The following ZC3H12B variants were observed in gnomAD, a reference collection of about 807,000 sequenced individuals.
ZC3H12B encodes zinc finger CCCH-type containing 12B.
ZC3H12B carries 7 observed loss-of-function variants against 43.9 expected under a neutral mutation model. That is an observed-to-expected ratio of 0.16 (90% CI 0.09 to 0.30). ZC3H12B has a LOEUF of 0.30. ZC3H12B is among the 10% of genes least tolerant of loss of function. The pLI is 1.00. For missense variants in ZC3H12B, 475 were observed against 670.2 expected, an observed-to-expected ratio of 0.71 and a Z score of 3.22; for synonymous variants, 222 against 241.7, an observed-to-expected ratio of 0.92 and a Z score of 0.76.
intron 3 of ZC3H12B, among the ~76,000 whole-genome samples, chrX:65,419,348 C>T (rs2066993460): frequency 8.9e-6 from 1 of 111,814 alleles, no homozygotes; most frequent in Non-Finnish European, 1.9e-5. Flanking sequence ...TGGTGATTCG[C>T]ATTACATCCC....
upstream of ZC3H12B, among the ~76,000 whole-genome samples, chrX:65,484,710 T>C (rs1436961642): frequency 8.9e-6 from 1 of 112,448 alleles, no homozygotes; most frequent in Non-Finnish European, 1.9e-5. Flanking sequence ...AACTCTGTTC[T>C]ATGTGGTTAA....
At chrX:65,321,134 A>G in the ZC3H12B span, among the ~76,000 whole-genome samples, 4 of 111,883 alleles carry the variant, frequency 3.6e-5, no homozygotes, top group Admixed American at 3.8e-4. Flanking sequence ...AAATTTTTGC[A>G]TGTTATGCAT....
At chrX:65,380,943 G>T (rs886142071) in intron 2 of ZC3H12B, among the ~76,000 whole-genome samples, 4 of 111,644 alleles carry the variant, frequency 3.6e-5, no homozygotes, top group African/African-American at 6.5e-5. Flanking sequence ...GGAGCACCCA[G>T]ATTCATAAAG....
At chrX:65,406,770 T>A (rs1404017378) in intron 3 of ZC3H12B, among the ~76,000 whole-genome samples, 1 of 112,176 alleles carries the variant, frequency 8.9e-6, no homozygotes, top group Non-Finnish European at 1.9e-5. Flanking sequence ...CGGCGGGTAC[T>A]CTGTGCTCTG....
chrX:65,111,239 G>A, the ZC3H12B span, among the ~76,000 whole-genome samples: 393 of 110,821 alleles, frequency 3.5e-3, no homozygotes, highest in African/African-American at 0.012. Flanking sequence ...GCCTTATTGC[G>A]GTGTCTGGAA....
intron 2 of ZC3H12B, among the ~76,000 whole-genome samples, chrX:65,392,447 C>A (rs1399818153): frequency 1.9e-5 from 2 of 107,530 alleles, no homozygotes; most frequent in African/African-American, 6.8e-5. Flanking sequence ...AGCCCCTCCG[C>A]CCGGCAGCCG....
the ZC3H12B span, among the ~76,000 whole-genome samples, chrX:65,211,789 ATAT>A: frequency 0.033 from 2,730 of 82,896 alleles, 132 homozygotes; most frequent in African/African-American, 0.12. Flanking sequence ...TATATTATAA[ATAT>A]TATGTATACT....
intron 3 of ZC3H12B, among the ~76,000 whole-genome samples, chrX:65,465,159 T>A (rs752004953): frequency 1.8e-5 from 2 of 111,198 alleles, no homozygotes; most frequent in South Asian, 7.5e-4. Context: ...TTATTATTAA[T>A]CTTCTGCTTA....
the ZC3H12B span, among the ~76,000 whole-genome samples, chrX:65,280,833 G>A: frequency 6.3e-5 from 7 of 111,330 alleles, no homozygotes; most frequent in African/African-American, 2.3e-4. Flanking sequence ...TAACCAAGGA[G>A]GTGAAAGACT....
Position 65,483,323 on chromosome X carries a change from C to T in ZC3H12B, n.408-5323C>T, listed in dbSNP as rs2068085914. ...ATGGGTATAGTTGGAGGTTAAGAAA[C>T]AATCTTTACCTCCTTTATGATATAA... On this transcript the variant is annotated intron_variant and non_coding_transcript_variant, in intron 3 of 5. Coordinates refer to the ZC3H12B transcript ENST00000617377. Among the ~76,000 whole-genome samples, 3 of 111,695 alleles carry T rather than the reference C, an allele frequency of 2.7e-5. No individual in the cohort carries two copies. In the South Asian group the frequency reaches 1.1e-3, roughly 41 times the overall value.
At chrX:65,229,941 A>G in the ZC3H12B span, among the ~76,000 whole-genome samples, 1 of 111,693 alleles carries the variant, frequency 9.0e-6, no homozygotes, top group Non-Finnish European at 1.9e-5. Flanking sequence ...TTGGTGGGAC[A>G]GTAAACTAGT....
chrX:65,302,539 A>C, the ZC3H12B span, among the ~76,000 whole-genome samples: 14 of 112,366 alleles, frequency 1.2e-4, no homozygotes, highest in Non-Finnish European at 2.6e-4. Flanking sequence ...AAGTCATTTT[A>C]TGTTTATGGA....
the ZC3H12B span, among the ~76,000 whole-genome samples, chrX:65,102,809 A>C: frequency 3.6e-5 from 4 of 111,691 alleles, no homozygotes; most frequent in Non-Finnish European, 7.5e-5. Flanking sequence ...CTGGGTGTCC[A>C]GGGGAGACAT....
chrX:65,058,610 C>T, the ZC3H12B span, among the ~76,000 whole-genome samples: 1 of 112,029 alleles, frequency 8.9e-6, no homozygotes, highest in Non-Finnish European at 1.9e-5. Flanking sequence ...AGCTGTCAGA[C>T]AGGGACATTT....
the ZC3H12B span, among the ~76,000 whole-genome samples, chrX:65,177,817 A>G: frequency 8.9e-6 from 1 of 112,563 alleles, no homozygotes; most frequent in Admixed American, 9.4e-5. Flanking sequence ...CATGGATAGG[A>G]AGAATCAATA....
chrX:65,087,261 G>A, the ZC3H12B span, among the ~76,000 whole-genome samples: 14 of 111,112 alleles, frequency 1.3e-4, no homozygotes, highest in Non-Finnish European at 2.3e-4. Flanking sequence ...AGCCAACACA[G>A]GCACACCCTC....
chrX:65,149,303 C>T, the ZC3H12B span, among the ~76,000 whole-genome samples: 1 of 111,983 alleles, frequency 8.9e-6, no homozygotes, highest in Non-Finnish European at 1.9e-5. Flanking sequence ...GTCTCTGCCT[C>T]TAAAGAATGT....
At chrX:65,242,463 A>G in the ZC3H12B span, among the ~76,000 whole-genome samples, 7 of 112,302 alleles carry the variant, frequency 6.2e-5, no homozygotes, top group East Asian at 1.7e-3. Context: ...AATGAAAAGT[A>G]TAAAACAATG....
At chrX:65,255,663 T>A in the ZC3H12B span, among the ~76,000 whole-genome samples, 2 of 111,921 alleles carry the variant, frequency 1.8e-5, no homozygotes, top group Non-Finnish European at 3.8e-5. Flanking sequence ...AGCAACATGA[T>A]AGAATCACAC....
Sources: allele counts gnomAD v4.1 joint callset (sites outside exome capture counted in the v4.1 genomes callset), GRCh38; gene constraint gnomAD v4.1.1; transcripts MANE v1.5; gene names NCBI Gene and HGNC (gene_info 2026-07-23, HGNC 2026-07-21).